Variants in WSB2 observed in about 807,000 individuals in gnomAD.
WSB2 encodes WD repeat and SOCS box-containing protein 2.
In WSB2, 12 loss-of-function variants were observed where a neutral mutation model predicts 48.8. That is an observed-to-expected ratio of 0.25 (90% CI 0.16 to 0.40). The LOEUF is 0.40. Among genes scored for constraint, WSB2 ranks in the 10% least tolerant of loss-of-function variants. The pLI is 1.00. For missense variants in WSB2, 317 were observed against 506.2 expected (o/e 0.63, Z 3.59); for synonymous variants, 191 against 203.1 (o/e 0.94, Z 0.51).
chr12:118,043,097 C>A (rs767798521), intron 3 of WSB2, 36 bp downstream of exon 3: 4 of 1,613,914 alleles, frequency 2.5e-6, no homozygotes, highest in Non-Finnish European at 2.5e-6. Context: ...TGCACCCGAG[C>A]CTCCCAGAAC....
intron 2 of WSB2, among the ~76,000 whole-genome samples, chr12:118,050,180 AT>A (rs2031823289): frequency 6.6e-6 from 1 of 152,010 alleles, no homozygotes; most frequent in South Asian, 2.1e-4. Flanking sequence ...GCGAGACTCC[AT>A]CTCAAAAGAA....
chr12:118,049,463 G>A (rs998433961), intron 2 of WSB2, among the ~76,000 whole-genome samples: 14 of 151,500 alleles, frequency 9.2e-5, no homozygotes, highest in Non-Finnish European at 1.6e-4. Context: ...GTGCAGTGGC[G>A]CGATCTCAGC....
intron 1 of WSB2, among the ~76,000 whole-genome samples, chr12:118,054,382 C>T (rs1172824002): frequency 2.7e-5 from 4 of 147,282 alleles, no homozygotes; most frequent in Non-Finnish European, 6.0e-5. Flanking sequence ...CAGAGCGAGA[C>T]TCTGTCTCAA....
rs2032045435 is a variant in WSB2 at position 118,060,731 on chromosome 12, C to G, written c.13+305G>C. Among the ~76,000 whole-genome samples, 1 of 152,090 alleles carries G rather than the reference C, an allele frequency of 6.6e-6. No individual in the cohort carries two copies. Among genetic ancestry groups the G allele is most frequent in the Non-Finnish European group, 1.5e-5 (1 of 67,980 alleles). ...GTTTTAGGGCTTGGTGCCCCCCGCCCCGAGTCCCACCCGGGAGCCCCCTCT... is the reference window on the plus strand; with the variant it reads ...GTTTTAGGGCTTGGTGCCCCCCGCCGCGAGTCCCACCCGGGAGCCCCCTCT... On this transcript the variant is annotated intron_variant, in intron 1 of 8. Coordinates refer to ENST00000315436, the MANE Select transcript of WSB2 (RefSeq NM_018639.5). This position sits in a 1 kb window ranked among gnomAD's most constrained non-coding sequence, Gnocchi z 4.1.
intron 2 of WSB2, among the ~76,000 whole-genome samples, chr12:118,050,069 G>A (rs933017711): frequency 3.1e-4 from 47 of 152,162 alleles, no homozygotes; most frequent in East Asian, 3.9e-4. Context: ...GGGTGGTGGC[G>A]CATGCCTGTA....
chr12:118,033,949 A>T lies in WSB2; in HGVS notation c.*247T>A, dbSNP rs551893733. 7.9e-6 allele frequency: 4 copies of T among 508,440 alleles called. No homozygotes were observed. The East Asian group carries it at 1.4e-4, about 17-fold the overall frequency. The allele number at this position is 508,440 out of a possible 1,614,324, so 31.5% of individuals were successfully genotyped here. ...TTCAACACTTGCTGTTCATAACTGG[A>T]CTGAAAATTTAACGTAAGGCTCTGT... is the stretch of plus-strand genomic sequence containing the variant. On this transcript the variant is annotated 3_prime_UTR_variant, in exon 9 of 9. Coordinates refer to ENST00000315436, the MANE Select transcript of WSB2 (RefSeq NM_018639.5).
At position 118,035,030 on chromosome 12, in the gene WSB2, C is replaced by T. The variant is rs2031474810; in HGVS notation, c.1008G>A (p.Gly336=). The T allele has an allele frequency of 1.2e-6, 2 of 1,614,180 alleles. No homozygotes were observed. The highest frequency in any genetic ancestry group is 4.5e-5 in the East Asian group (2 of 44,880). The change falls in exon 8 of 9, where the codon GGG becomes GGA. Residue 336 remains glycine (G), a synonymous_variant. Coordinates refer to ENST00000315436, the MANE Select transcript of WSB2 (RefSeq NM_018639.5). ...CATGTGGAAAAAATGTGCAGCAAAG[C>T]CCATTGGTCATAGGAGCAAATGCAA... ...TPIAFAPMTN[G]LCCTFFPHGG...
At chr12:118,039,680 T>C (rs549411241) in intron 4 of WSB2, among the ~76,000 whole-genome samples, 1 of 152,286 alleles carries the variant, frequency 6.6e-6, no homozygotes, top group East Asian at 1.9e-4. Flanking sequence ...TACATGGTCA[T>C]ATATATGAAT....
chr12:118,055,955 T>G (rs2031950813), intron 1 of WSB2, among the ~76,000 whole-genome samples: 1 of 151,692 alleles, frequency 6.6e-6, no homozygotes, highest in African/African-American at 2.4e-5. Context: ...ATTAGCAAGT[T>G]CTATCAAGTC....
At chr12:118,059,841 A>G (rs1448778444) in intron 1 of WSB2, among the ~76,000 whole-genome samples, 1 of 152,214 alleles carries the variant, frequency 6.6e-6, no homozygotes, top group East Asian at 1.9e-4. Context: ...AGCTGCCTTT[A>G]ACTCAATGCC....
chr12:118,047,203 T>G (rs1023974369), intron 2 of WSB2, among the ~76,000 whole-genome samples: 20 of 152,220 alleles, frequency 1.3e-4, no homozygotes, highest in African/African-American at 4.8e-4. Context: ...ATCTCCATTT[T>G]ATGGGTTATT....
Position 118,038,335 on chromosome 12 carries a change from T to C in WSB2, c.613A>G (p.Ile205Val), listed in dbSNP as rs1313613625. The change falls in exon 5 of 9, where the codon ATC (isoleucine) becomes GTC (valine). Residue 205 changes from isoleucine to valine, a missense_variant. Transcript: ENST00000315436. ...CACAGCATGCTGCAGTCTGGGGAGA[T>C]GGAACAGCAGTAAACCCACTGCAGG... ...GHLQWVYCCSISPDCSMLCSA... is the reference protein window; with the variant it reads ...GHLQWVYCCSVSPDCSMLCSA... 1.9e-6 allele frequency: 3 copies of C among 1,613,940 alleles called. No individual in the cohort carries two copies. Among genetic ancestry groups the C allele is most frequent in the South Asian group, 2.2e-5 (2 of 91,068 alleles).
At chr12:118,054,333 G>A (rs2031912551) in intron 1 of WSB2, among the ~76,000 whole-genome samples, 1 of 151,904 alleles carries the variant, frequency 6.6e-6, no homozygotes, top group African/African-American at 2.4e-5. Context: ...GGAGGTTACA[G>A]TGAGCCGAGA....
chr12:118,058,326 A>G (rs1203587518), intron 1 of WSB2, among the ~76,000 whole-genome samples: 1 of 151,910 alleles, frequency 6.6e-6, no homozygotes, highest in Non-Finnish European at 1.5e-5. Flanking sequence ...CACTATCTAA[A>G]GCGACCATAC....
At chr12:118,051,288 C>T (rs1052681700) in intron 2 of WSB2, among the ~76,000 whole-genome samples, 3 of 152,174 alleles carry the variant, frequency 2.0e-5, no homozygotes, top group African/African-American at 7.2e-5. Context: ...TCTGACACCT[C>T]CTCAAATAGT....
At chr12:118,034,415 A>T in intron 8 of WSB2, 57 bp from the exon 9 acceptor site, 1 of 1,594,842 alleles carries the variant, frequency 6.3e-7, no homozygotes, top group Non-Finnish European at 8.6e-7. Context: ...TGTTTTCATG[A>T]GGATGAATAC....
Position 118,061,137 on chromosome 12 carries a change from C to A in WSB2, c.-89G>T. On this transcript the variant is annotated 5_prime_UTR_variant, in exon 1 of 9. Coordinates refer to ENST00000315436, the MANE Select transcript of WSB2 (RefSeq NM_018639.5). ...CATGCCGCCCCCGCGCCGCCCGCCC[C>A]GGCCAGGCCGCCGCCGCCGCCCGGA... is the stretch of plus-strand genomic sequence containing the variant. The A allele has an allele frequency of 1.0e-6, 1 of 981,564 alleles. No homozygotes were observed. Among genetic ancestry groups the A allele is most frequent in the Non-Finnish European group, 1.2e-6 (1 of 828,378 alleles). 60.8% of individuals were successfully genotyped at this position (981,564 alleles called of 1,614,324 possible).
chr12:118,055,181 A>G (rs1418615031), intron 1 of WSB2, among the ~76,000 whole-genome samples: 1 of 152,168 alleles, frequency 6.6e-6, no homozygotes, highest in Non-Finnish European at 1.5e-5. Context: ...CTATAGACCC[A>G]GGGTTCTCAA....
intron 2 of WSB2, among the ~76,000 whole-genome samples, chr12:118,049,955 G>A (rs907966360): frequency 1.3e-5 from 2 of 152,162 alleles, no homozygotes; most frequent in African/African-American, 2.4e-5. Context: ...TTTATCTAAC[G>A]ACTCTCAGTC....
Sources: gnomAD v4.1 joint callset for allele counts (sites outside exome capture counted in the v4.1 genomes callset) on GRCh38, gnomAD v4.1.1 for gene constraint, Gnocchi (gnomAD v3.1) non-coding constraint, MANE v1.5 for transcripts, NCBI Gene and HGNC (gene_info 2026-07-23, HGNC 2026-07-21) for gene names.